The following MTF2 variants were observed in gnomAD, a reference collection of about 807,000 sequenced individuals.
The protein encoded by MTF2 is metal-response element-binding transcription factor 2.
MTF2 carries 11 observed loss-of-function variants against 79.5 expected under a neutral mutation model. That is an observed-to-expected ratio of 0.14 (90% CI 0.09 to 0.23). The LOEUF (loss-of-function observed/expected upper bound fraction) is 0.23. Ranked by LOEUF, MTF2 falls within the 10% of genes least tolerant of loss-of-function variation. The pLI is 1.00. For synonymous variants in MTF2, 208 were observed against 232.8 expected (o/e 0.89, Z 0.97); for missense variants, 486 against 711.2 (o/e 0.68, Z 3.60).
At chr1:93,089,309 G>T (rs1654975993) in intron 1 of MTF2, among the ~76,000 whole-genome samples, 1 of 152,124 alleles carries the variant, frequency 6.6e-6, no homozygotes, top group Admixed American at 6.6e-5. Flanking sequence ...GCTTTTATAG[G>T]ATAGTGATAT....
At position 93,137,076 on chromosome 1, in the gene MTF2, C is replaced by T. The variant is rs1203761804; in HGVS notation, c.*49C>T. On this transcript the variant is annotated 3_prime_UTR_variant, in exon 15 of 15. Coordinates refer to ENST00000370298, the MANE Select transcript of MTF2 (RefSeq NM_007358.4). ...ACTGCACTCTGATTTTCTGTAGGTA[C>T]AGTTCAAAGCCCTAAAGGAGTCTGG... 1 of 1,432,954 alleles carries T rather than the reference C, an allele frequency of 7.0e-7. No homozygotes were observed. Among genetic ancestry groups the T allele is most frequent in the Admixed American group, 1.9e-5 (1 of 53,498 alleles). The allele number at this position is 1,432,954 out of a possible 1,614,324, so 88.8% of individuals were successfully genotyped here.
chr1:93,097,117 A>G (rs902234306), intron 1 of MTF2, among the ~76,000 whole-genome samples: 14 of 152,004 alleles, frequency 9.2e-5, no homozygotes, highest in Admixed American at 3.9e-4. Context: ...GCCTAAAAGT[A>G]TATGTCTTGA....
At chr1:93,095,455 C>T (rs913108093) in intron 1 of MTF2, among the ~76,000 whole-genome samples, 1 of 152,112 alleles carries the variant, frequency 6.6e-6, no homozygotes, top group African/African-American at 2.4e-5. Context: ...ATTCTCCTGC[C>T]TCAGCCTCCC....
intron 11 of MTF2, among the ~76,000 whole-genome samples, chr1:93,129,683 T>C (rs759795399): frequency 6.6e-6 from 1 of 152,132 alleles, no homozygotes; most frequent in Non-Finnish European, 1.5e-5. Context: ...ATTGATTTTG[T>C]TAGCAAACAG....
At chr1:93,126,319 G>A (rs750578049) in intron 9 of MTF2, among the ~76,000 whole-genome samples, 9 of 152,054 alleles carry the variant, frequency 5.9e-5, no homozygotes, top group Non-Finnish European at 1.2e-4. Context: ...GTGTAAAATA[G>A]AATTGGAGTA....
At chr1:93,124,084 G>C (rs559921043) in intron 9 of MTF2, among the ~76,000 whole-genome samples, 2 of 151,758 alleles carry the variant, frequency 1.3e-5, no homozygotes, top group African/African-American at 4.8e-5. Flanking sequence ...AGTTGAATAC[G>C]GTATAGGATT....
chr1:93,115,595 C>T lies in MTF2; in HGVS notation c.609C>T (p.Tyr203=). Residue 203 remains tyrosine, a synonymous_variant, in exon 6 of 15, where the codon TAC becomes TAT. Transcript: ENST00000370298. ...AGHKTNVQQC[Y]CYCGGPGDWY... ...ATAAAACCAATGTCCAGCAGTGTTA[C>T]TGCTATTGTGGAGGCCCTGGAGAGT... 1.2e-6 allele frequency: 2 copies of T among 1,607,048 alleles called. No individual in the cohort carries two copies. The highest frequency in any genetic ancestry group is 2.2e-5 in the East Asian group (1 of 44,694).
rs1647257178 is a variant in MTF2, at chr1:93,133,909, A to G, written c.1267-19A>G. 5.8e-6 allele frequency: 9 copies of G among 1,552,496 alleles called. No homozygotes were observed. The highest frequency in any genetic ancestry group is 6.2e-6 in the Non-Finnish European group (7 of 1,130,160). ...CTTACTTTAGAGACATGCTTTAAGTATATATTTTTATTTTCCAGGATAAGG... is the reference window on the plus strand; with the variant it reads ...CTTACTTTAGAGACATGCTTTAAGTGTATATTTTTATTTTCCAGGATAAGG... On this transcript the variant is annotated intron_variant, in intron 12 of 14. Coordinates refer to ENST00000370298, the MANE Select transcript of MTF2 (RefSeq NM_007358.4).
intron 1 of MTF2, among the ~76,000 whole-genome samples, chr1:93,103,868 CTT>C (rs1217757088): frequency 6.6e-6 from 1 of 152,102 alleles, no homozygotes; most frequent in Non-Finnish European, 1.5e-5. Context: ...GTAATTTACT[CTT>C]TTCTTGCTTT....
chr1:93,130,946 A>AAC (rs60658361), intron 11 of MTF2, among the ~76,000 whole-genome samples: 35,156 of 148,850 alleles, frequency 0.24, 4,259 homozygotes, highest in Middle Eastern at 0.28. Flanking sequence ...ATGAGGGACA[A>AAC]ACACACACAC....
chr1:93,083,140 A>G (rs1344714412), intron 1 of MTF2, among the ~76,000 whole-genome samples: 1 of 152,196 alleles, frequency 6.6e-6, no homozygotes, highest in Non-Finnish European at 1.5e-5. Context: ...TTCCTGTTGA[A>G]GTGGCCCCCT....
intron 11 of MTF2, among the ~76,000 whole-genome samples, chr1:93,130,525 C>T (rs1448467323): frequency 1.3e-5 from 2 of 151,708 alleles, no homozygotes; most frequent in African/African-American, 4.8e-5. Context: ...TGCAGTGAGC[C>T]GAGATCGTGC....
At chr1:93,115,890 A>G (rs1276630496) in intron 6 of MTF2, among the ~76,000 whole-genome samples, 1 of 152,188 alleles carries the variant, frequency 6.6e-6, no homozygotes, top group Non-Finnish European at 1.5e-5. Context: ...GAGGGAAAAC[A>G]TTTACTGCAG....
chr1:93,080,587 T>C (rs899667438), intron 1 of MTF2, among the ~76,000 whole-genome samples: 5 of 152,214 alleles, frequency 3.3e-5, no homozygotes, highest in South Asian at 2.1e-4. Flanking sequence ...GAAGGCACCA[T>C]GTGAGGTCAG....
chr1:93,118,481 CTT>C, intron 7 of MTF2, 41 bp downstream of exon 7: 1 of 1,366,442 alleles, frequency 7.3e-7, no homozygotes, highest in Non-Finnish European at 1.0e-6. Context: ...ATTTTTGTCA[CTT>C]TTTAATTGTG....
chr1:93,134,446 C>T, intron 14 of MTF2: 1 of 415,016 alleles, frequency 2.4e-6, no homozygotes, highest in East Asian at 4.4e-5. Context: ...AAAAAGTATA[C>T]CATTGTTTAG....
chr1:93,118,592 T>C (rs1294734159), intron 7 of MTF2, 152 bp downstream of exon 7: 2 of 519,276 alleles, frequency 3.9e-6, no homozygotes, highest in East Asian at 3.3e-5. Context: ...ACTTAAAATA[T>C]ACGTAATTTT....
chr1:93,108,640 T>A (rs1655904457), intron 1 of MTF2, among the ~76,000 whole-genome samples: 1 of 151,900 alleles, frequency 6.6e-6, no homozygotes, highest in African/African-American at 2.4e-5. Flanking sequence ...TTTCAGCATT[T>A]TTACTATGAT....
chr1:93,099,297 A>AGAGT (rs1655430755), intron 1 of MTF2, among the ~76,000 whole-genome samples: 1 of 152,208 alleles, frequency 6.6e-6, no homozygotes, highest in South Asian at 2.1e-4. Context: ...GCATCAAAGG[A>AGAGT]GAGTCTAAAA....
Sources: allele counts gnomAD v4.1 joint callset (sites outside exome capture counted in the v4.1 genomes callset), GRCh38; gene constraint gnomAD v4.1.1; transcripts MANE v1.5; gene names NCBI Gene and HGNC (gene_info 2026-07-23, HGNC 2026-07-21).